The following SPECC1 variants were observed in gnomAD, a reference collection of about 807,000 sequenced individuals.
The protein encoded by SPECC1 is cytospin-B.
In SPECC1, 62 loss-of-function variants were observed where a neutral mutation model predicts 104.1. That is an observed-to-expected ratio of 0.60 (90% CI 0.49 to 0.74). The LOEUF is 0.74. Ranked by LOEUF, SPECC1 falls within the 30% of genes least tolerant of loss-of-function variation. The probability of loss-of-function intolerance (pLI) is 0.00; values close to 1 mark genes in which losing one functional copy is unlikely to be tolerated. For synonymous variants in SPECC1, 513 were observed against 501.6 expected (o/e 1.02, Z -0.30); for missense variants, 1,306 against 1,310.5 (o/e 1.00, Z 0.05).
intron 3 of SPECC1, among the ~76,000 whole-genome samples, chr17:20,183,845 G>A (rs961865481): frequency 2.0e-5 from 3 of 151,982 alleles, no homozygotes; most frequent in Non-Finnish European, 4.4e-5. Flanking sequence ...ATGGAAGGCC[G>A]ACTATATCAT....
chr17:20,227,648 C>A (rs1236487560), intron 5 of SPECC1, 28 bp downstream of exon 5: 2 of 1,603,064 alleles, frequency 1.2e-6, no homozygotes, highest in Admixed American at 3.4e-5. Context: ...GGCATGGTGG[C>A]TCACACCTAT....
At chr17:20,236,141 C>G (rs925760476) in intron 7 of SPECC1, among the ~76,000 whole-genome samples, 1 of 152,130 alleles carries the variant, frequency 6.6e-6, no homozygotes, top group African/African-American at 2.4e-5. Flanking sequence ...TACTGAGCCC[C>G]TCTCCCAGGT....
intron 12 of SPECC1, among the ~76,000 whole-genome samples, chr17:20,287,848 A>T (rs190699779): frequency 1.3e-5 from 2 of 151,940 alleles, no homozygotes; most frequent in East Asian, 3.9e-4. Context: ...CAGGATGTGC[A>T]GGTTTGTTAC....
At chr17:20,115,763 T>A (rs1043174087) in intron 3 of SPECC1, among the ~76,000 whole-genome samples, 1 of 152,198 alleles carries the variant, frequency 6.6e-6, no homozygotes, top group Non-Finnish European at 1.5e-5. Context: ...GTGCAGAGAC[T>A]TCTTTAATGA....
chr17:20,257,723 A>G (rs1422200406), intron 11 of SPECC1, 116 bp downstream of exon 11: 1 of 1,362,492 alleles, frequency 7.3e-7, no homozygotes, highest in East Asian at 2.5e-5. Context: ...CTGCATGAAA[A>G]TGACTAAGAC....
chr17:20,217,334 G>GT (rs1343200427), intron 4 of SPECC1, among the ~76,000 whole-genome samples: 2 of 150,858 alleles, frequency 1.3e-5, no homozygotes, highest in Admixed American at 6.6e-5. Flanking sequence ...ACTTGAGATA[G>GT]TTATTCCAAC....
At chr17:20,129,049 T>G (rs2049465013) in intron 3 of SPECC1, among the ~76,000 whole-genome samples, 1 of 151,802 alleles carries the variant, frequency 6.6e-6, no homozygotes, top group Admixed American at 6.6e-5. Flanking sequence ...TGCGCCACCA[T>G]GCCTGGTTAA....
At chr17:20,251,432 T>C (rs909638417) in intron 9 of SPECC1, among the ~76,000 whole-genome samples, 2 of 152,106 alleles carry the variant, frequency 1.3e-5, no homozygotes, top group African/African-American at 2.4e-5. Flanking sequence ...CACAGGATTG[T>C]GAATGGGATA....
intron 3 of SPECC1, among the ~76,000 whole-genome samples, chr17:20,186,102 T>G (rs1205328306): frequency 6.6e-6 from 1 of 152,246 alleles, no homozygotes; most frequent in African/African-American, 2.4e-5. Context: ...CCTCCCAAAG[T>G]GCTGGGATTG....
At chr17:20,311,562 T>G (rs2041935742) in intron 14 of SPECC1, among the ~76,000 whole-genome samples, 2 of 152,076 alleles carry the variant, frequency 1.3e-5, no homozygotes, top group Non-Finnish European at 2.9e-5. Flanking sequence ...GGCTAATTTT[T>G]TTGTATTTTT....
chr17:20,066,448 C>T (rs1021261081), intron 1 of SPECC1, among the ~76,000 whole-genome samples: 1 of 152,172 alleles, frequency 6.6e-6, no homozygotes, highest in African/African-American at 2.4e-5. Context: ...GAGATTCCTT[C>T]AGTGGAAGAG....
intron 3 of SPECC1, among the ~76,000 whole-genome samples, chr17:20,123,222 G>A (rs1366821124): frequency 6.6e-6 from 1 of 152,206 alleles, no homozygotes; most frequent in East Asian, 1.9e-4. Flanking sequence ...TGCCCATTTA[G>A]ATGTTTCTTT....
chr17:20,219,052 G>A (rs2037693743), intron 4 of SPECC1, among the ~76,000 whole-genome samples: 1 of 152,128 alleles, frequency 6.6e-6, no homozygotes, highest in African/African-American at 2.4e-5. Context: ...TTTGTCTGTT[G>A]ATGGATACTT....
intron 12 of SPECC1, among the ~76,000 whole-genome samples, chr17:20,281,089 C>G (rs540764741): frequency 1.3e-5 from 2 of 152,166 alleles, no homozygotes; most frequent in African/African-American, 4.8e-5. Context: ...AATCTGATGT[C>G]AGCTCAGTTC....
intron 3 of SPECC1, among the ~76,000 whole-genome samples, chr17:20,151,187 T>G (rs2031973363): frequency 6.6e-6 from 1 of 152,312 alleles, no homozygotes; most frequent in Non-Finnish European, 1.5e-5. Flanking sequence ...TGACTTAGGA[T>G]TTTTTGACTT....
At chr17:20,139,607 C>T (rs2030496946) in intron 3 of SPECC1, among the ~76,000 whole-genome samples, 1 of 152,186 alleles carries the variant, frequency 6.6e-6, no homozygotes, top group South Asian at 2.1e-4. Flanking sequence ...CTAGTGTTAT[C>T]TTTATTAACT....
At chr17:20,294,156 A>C (rs1369791587) in intron 12 of SPECC1, among the ~76,000 whole-genome samples, 1 of 152,008 alleles carries the variant, frequency 6.6e-6, no homozygotes, top group African/African-American at 2.4e-5. Flanking sequence ...TCATTTTTGT[A>C]TTTTTAGTAG....
In SPECC1 at chr17:20,066,021, T is replaced by C. The variant is rs2046345798; in HGVS notation, c.-21-30610T>C. On this transcript the variant is annotated intron_variant, in intron 1 of 14. Transcript: ENST00000395527. ...ATATCTATATCTGTATCTATATCTA[T>C]CTATCAGTCAATCATAACAACATAC... Among the ~76,000 whole-genome samples the C allele has an allele frequency of 2.0e-5, 3 of 152,230 alleles. No homozygotes were observed. In the South Asian group the frequency reaches 6.2e-4, roughly 32 times the overall value.
At chr17:20,071,225 A>G (rs1426061494) in intron 1 of SPECC1, among the ~76,000 whole-genome samples, 7 of 152,164 alleles carry the variant, frequency 4.6e-5, no homozygotes. Flanking sequence ...TTTATCCTAG[A>G]TTAGTCATGC....
Sources: gnomAD v4.1 joint callset for allele counts (sites outside exome capture counted in the v4.1 genomes callset) on GRCh38, gnomAD v4.1.1 for gene constraint, MANE v1.5 for transcripts, NCBI Gene and HGNC (gene_info 2026-07-23, HGNC 2026-07-21) for gene names.